NALF1: variants seen among roughly 807,000 people sequenced by gnomAD.
NALF1 encodes family with sequence similarity 155 member A.
A neutral mutation model predicts 48.4 loss-of-function variants in NALF1; 3 were observed. That is an observed-to-expected ratio of 0.06 (90% CI 0.03 to 0.16). The LOEUF (loss-of-function observed/expected upper bound fraction) is 0.16, where lower values mean the gene tolerates loss of function less well. Among genes scored for constraint, NALF1 ranks in the 10% least tolerant of loss-of-function variants. NALF1 has a pLI of 1.00. For synonymous variants in NALF1, 262 were observed against 245.7 expected (o/e 1.07, Z -0.62); for missense variants, 526 against 571.5 (o/e 0.92, Z 0.81).
At chr13:107,689,240 T>C (rs2138502820) in intron 1 of NALF1, among the ~76,000 whole-genome samples, 1 of 152,346 alleles carries the variant, frequency 6.6e-6, no homozygotes, top group Non-Finnish European at 1.5e-5. Context: ...CTGTCCTTCA[T>C]CTGTTCGCCC....
At chr13:107,853,113 G>A (rs911481151) in intron 1 of NALF1, among the ~76,000 whole-genome samples, 4 of 152,138 alleles carry the variant, frequency 2.6e-5, no homozygotes, top group South Asian at 2.1e-4. Context: ...TGGAAAAAAA[G>A]GAAATTGTTG....
chr13:107,789,575 A>G (rs896668301), intron 1 of NALF1, among the ~76,000 whole-genome samples: 4 of 152,216 alleles, frequency 2.6e-5, no homozygotes, highest in African/African-American at 9.6e-5. Flanking sequence ...AGACATAGTA[A>G]GCAATGGCTA....
At chr13:107,830,309 T>G (rs182269629) in intron 1 of NALF1, among the ~76,000 whole-genome samples, 82 of 152,332 alleles carry the variant, frequency 5.4e-4, no homozygotes, top group African/African-American at 1.9e-3. Flanking sequence ...AAGAATAATA[T>G]CAAGGTAATT....
chr13:107,586,441 T>C (rs2138414230), intron 1 of NALF1, among the ~76,000 whole-genome samples: 1 of 152,218 alleles, frequency 6.6e-6, no homozygotes, highest in South Asian at 2.1e-4. Context: ...AACAGTAAAT[T>C]CAACAGCTTC....
intron 1 of NALF1, among the ~76,000 whole-genome samples, chr13:107,775,972 T>TA (rs1178358086): frequency 6.6e-6 from 1 of 152,172 alleles, no homozygotes; most frequent in African/African-American, 2.4e-5. Flanking sequence ...TAAAGTGTCC[T>TA]AAAATCACCC....
Position 107,849,884 on chromosome 13 carries a change from C to CT in NALF1, c.915+15797dup, listed in dbSNP as rs545540506. Among the ~76,000 whole-genome samples the CT allele has an allele frequency of 2.4e-3, 363 of 152,268 alleles. 4 individuals are homozygous for CT. The highest frequency in any genetic ancestry group is 8.4e-3 in the African/African-American group (348 of 41,560). On this transcript the variant is annotated intron_variant, in intron 1 of 2. Transcript: ENST00000375915. ...AAATCTAACAGGAGAAACAAAGGCA[C>CT]TGGTATATAATTCATTTTATAGCTT... is the stretch of plus-strand genomic sequence containing the variant.
rs942236670 is a variant in NALF1, at chr13:107,342,924, T to C, written c.916-132169A>G. ...AAGGGAGAATTCAACATTAACACAG[T>C]AACAGGAGGAGATCTTAACACCTCA... is the stretch of plus-strand genomic sequence containing the variant. On this transcript the variant is annotated intron_variant, in intron 1 of 2. Transcript: ENST00000375915. 2.6e-5 allele frequency among the ~76,000 whole-genome samples: 4 copies of C among 152,180 alleles called. No individual in the cohort carries two copies. The South Asian group carries it at 8.3e-4, about 32-fold the overall frequency.
chr13:107,290,351 T>G (rs1264856918), intron 1 of NALF1, among the ~76,000 whole-genome samples: 1 of 152,150 alleles, frequency 6.6e-6, no homozygotes, highest in Non-Finnish European at 1.5e-5. Flanking sequence ...ACGGTTTGGC[T>G]GCATCCCCAC....
At chr13:107,386,275 T>C (rs1883529356) in intron 1 of NALF1, among the ~76,000 whole-genome samples, 1 of 152,176 alleles carries the variant, frequency 6.6e-6, no homozygotes, top group Admixed American at 6.5e-5. Flanking sequence ...CAAAATAAAG[T>C]GTCTAAAGGC....
chr13:107,703,705 C>T (rs538162147), intron 1 of NALF1, among the ~76,000 whole-genome samples: 3 of 152,214 alleles, frequency 2.0e-5, no homozygotes, highest in East Asian at 1.9e-4. Flanking sequence ...TATTTTCAAA[C>T]GCATCTGGAA....
At chr13:107,688,337 G>A (rs1881485725) in intron 1 of NALF1, among the ~76,000 whole-genome samples, 1 of 152,120 alleles carries the variant, frequency 6.6e-6, no homozygotes, top group Non-Finnish European at 1.5e-5. Flanking sequence ...TGATGTTACT[G>A]TAAGTTTAAA....
chr13:107,845,723 T>A (rs1249533144), intron 1 of NALF1, among the ~76,000 whole-genome samples: 1 of 152,128 alleles, frequency 6.6e-6, no homozygotes, highest in Non-Finnish European at 1.5e-5. Flanking sequence ...GCTAAACACA[T>A]ACCTCCATGC....
intron 1 of NALF1, among the ~76,000 whole-genome samples, chr13:107,851,439 T>A (rs972614213): frequency 1.3e-5 from 2 of 152,040 alleles, no homozygotes; most frequent in Non-Finnish European, 2.9e-5. Context: ...TTCAAACCCA[T>A]AATTAGCCAT....
intron 1 of NALF1, among the ~76,000 whole-genome samples, chr13:107,760,008 A>C (rs971383164): frequency 1.3e-5 from 2 of 152,162 alleles, no homozygotes; most frequent in African/African-American, 4.8e-5. Context: ...CTGTAATTCT[A>C]CCAAAATACC....
At chr13:107,828,886 A>G (rs763788822) in intron 1 of NALF1, among the ~76,000 whole-genome samples, 21 of 152,236 alleles carry the variant, frequency 1.4e-4, no homozygotes, top group Admixed American at 5.2e-4. Flanking sequence ...GGACAGTACC[A>G]ATTTCACCAT....
At chr13:107,188,391 G>A (rs1398992520) in intron 2 of NALF1, among the ~76,000 whole-genome samples, 2 of 151,698 alleles carry the variant, frequency 1.3e-5, no homozygotes, top group East Asian at 3.9e-4. Flanking sequence ...TAATTTGGCA[G>A]GTAAAACAAT....
chr13:107,581,409 TTA>T (rs1878304773), intron 1 of NALF1, among the ~76,000 whole-genome samples: 1 of 152,196 alleles, frequency 6.6e-6, no homozygotes, highest in African/African-American at 2.4e-5. Flanking sequence ...GTCTTAATTA[TTA>T]TATATGTCTT....
At chr13:107,576,321 C>T (rs147531222) in intron 1 of NALF1, among the ~76,000 whole-genome samples, 1 of 152,282 alleles carries the variant, frequency 6.6e-6, no homozygotes, top group East Asian at 1.9e-4. Flanking sequence ...AAATTCCTAA[C>T]AGTGAAAGGA....
intron 1 of NALF1, among the ~76,000 whole-genome samples, chr13:107,673,098 TCTC>T (rs1881029264): frequency 1.3e-5 from 2 of 152,154 alleles, no homozygotes; most frequent in African/African-American, 4.8e-5. Context: ...TTCTGTTTCC[TCTC>T]CTTTCTGTAT....
Sources: allele counts gnomAD v4.1 joint callset (sites outside exome capture counted in the v4.1 genomes callset), GRCh38; gene constraint gnomAD v4.1.1; transcripts MANE v1.5; gene names NCBI Gene and HGNC (gene_info 2026-07-23, HGNC 2026-07-21).